The following PARL variants were observed in gnomAD, a reference collection of about 807,000 sequenced individuals.
PARL encodes presenilin-associated rhomboid-like protein, mitochondrial.
In PARL, 44 loss-of-function variants were observed where a neutral mutation model predicts 51.6. The observed-to-expected ratio is 0.85, with a 90% CI of 0.67 to 1.10. The LOEUF is 1.10. Among genes scored for constraint, PARL ranks in the 50% least tolerant of loss-of-function variants. The pLI, the probability that PARL is intolerant of heterozygous loss-of-function variation, is 0.00. For synonymous variants in PARL, 172 were observed against 164.0 expected (o/e 1.05, Z -0.37); for missense variants, 441 against 469.5 (o/e 0.94, Z 0.56).
At chr3:183,846,866 T>C (rs201073761) in intron 4 of PARL, among the ~76,000 whole-genome samples, 2 of 152,246 alleles carry the variant, frequency 1.3e-5, no homozygotes, top group Non-Finnish European at 2.9e-5. Flanking sequence ...AGGCCAGTTA[T>C]AGATGAGAAA....
rs1729461903 is a variant in PARL at position 183,842,617 on chromosome 3, GGC to G, written c.608-172_608-171del. Reference sequence around the variant, plus strand: ...TAAGTCAGGAGTTCAAGACCAGCCTGGCCAACATAGTCAAACCCCATCTCTAT... The same window carrying G: ...TAAGTCAGGAGTTCAAGACCAGCCTGCAACATAGTCAAACCCCATCTCTAT... On this transcript the variant is annotated intron_variant, in intron 5 of 9. Coordinates refer to ENST00000317096, the MANE Select transcript of PARL (RefSeq NM_018622.7). Among the ~76,000 whole-genome samples the G allele has an allele frequency of 2.0e-5, 3 of 151,732 alleles. No homozygotes were observed. In the South Asian group the frequency reaches 6.2e-4, roughly 32 times the overall value.
At chr3:183,849,509 G>A (rs1313559643) in intron 4 of PARL, among the ~76,000 whole-genome samples, 3 of 152,016 alleles carry the variant, frequency 2.0e-5, no homozygotes, top group Non-Finnish European at 2.9e-5. Context: ...AAAATTTATA[G>A]GAGGCAACAA....
chr3:183,877,796 A>C (rs1026503968), intron 1 of PARL, among the ~76,000 whole-genome samples: 7 of 135,244 alleles, frequency 5.2e-5, no homozygotes, highest in African/African-American at 2.0e-4. Context: ...TAAAACCATA[A>C]TTTATTACTT....
chr3:183,876,559 T>C (rs1158660945), intron 1 of PARL, among the ~76,000 whole-genome samples: 2 of 146,892 alleles, frequency 1.4e-5, no homozygotes, highest in Non-Finnish European at 3.0e-5. Context: ...TTAAGTCTTA[T>C]TATTTAAGAA....
intron 3 of PARL, among the ~76,000 whole-genome samples, chr3:183,866,155 G>A (rs1732449688): frequency 2.0e-5 from 3 of 152,282 alleles, no homozygotes; most frequent in South Asian, 2.1e-4. Context: ...TTGAGCCGCT[G>A]TGCCCGGCCA....
Position 183,842,464 on chromosome 3 carries a change from C to G in PARL, c.608-17G>C. On this transcript the variant is annotated splice_polypyrimidine_tract_variant and intron_variant, in intron 5 of 9. Transcript: ENST00000317096. ...AAAGGACCTCTACAAGAGAGAGAAACATAGTCTGGTAATCATGAAACACAC... is the reference window on the plus strand; with the variant it reads ...AAAGGACCTCTACAAGAGAGAGAAAGATAGTCTGGTAATCATGAAACACAC... 1 of 1,609,566 alleles carries G rather than the reference C, an allele frequency of 6.2e-7. No homozygotes were observed. The highest frequency in any genetic ancestry group is 8.5e-7 in the Non-Finnish European group (1 of 1,176,588).
chr3:183,845,453 C>T (rs768358296), intron 4 of PARL, among the ~76,000 whole-genome samples: 1 of 151,982 alleles, frequency 6.6e-6, no homozygotes, highest in Non-Finnish European at 1.5e-5. Flanking sequence ...TTTCTTTCTC[C>T]GTAGTACATT....
At chr3:183,834,384 T>C (rs554257778) in intron 7 of PARL, among the ~76,000 whole-genome samples, 2 of 152,220 alleles carry the variant, frequency 1.3e-5, no homozygotes, top group East Asian at 1.9e-4. Context: ...ACTGCACTCC[T>C]GCCTGGGCAA....
intron 4 of PARL, among the ~76,000 whole-genome samples, chr3:183,861,015 C>T (rs148174867): frequency 0.044 from 6,678 of 152,136 alleles, 484 homozygotes; most frequent in African/African-American, 0.15. Context: ...GGGGTTTCAC[C>T]GTGTTGGCCA....
At chr3:183,875,415 C>CAAAAAAAAA (rs61316689) in intron 1 of PARL, among the ~76,000 whole-genome samples, 1 of 60,152 alleles carries the variant, frequency 1.7e-5, no homozygotes, top group Non-Finnish European at 2.9e-5. Context: ...ACTCTGTCTC[C>CAAAAAAAAA]AAAAAAAAAA....
rs529156185 is a variant in PARL at position 183,853,589 on chromosome 3, A to G, written c.511+9164T>C. On this transcript the variant is annotated intron_variant, in intron 4 of 9. Transcript: ENST00000317096. ...GAAAAAGAATGCTTATAACTCAACA[A>G]CAAAAAAAAATCAAATAACTCGAGT... 6.6e-5 allele frequency among the ~76,000 whole-genome samples: 10 copies of G among 152,236 alleles called. No individual in the cohort carries two copies. The South Asian group carries it at 1.2e-3, about 19-fold the overall frequency.
intron 7 of PARL, 41 bp from the exon 8 acceptor site, chr3:183,833,866 G>A (rs1728246200): frequency 4.8e-6 from 6 of 1,242,612 alleles, no homozygotes; most frequent in Non-Finnish European, 5.9e-6. Flanking sequence ...AACTCAATAT[G>A]CAACTGCTTA....
chr3:183,882,220 A>ATATATATAT (rs1372994317), intron 1 of PARL, among the ~76,000 whole-genome samples: 1 of 60,878 alleles, frequency 1.6e-5, no homozygotes, highest in African/African-American at 9.8e-5. Flanking sequence ...AAAAAAAAAA[A>ATATATATAT]AAATATATAT....
intron 7 of PARL, among the ~76,000 whole-genome samples, chr3:183,839,554 G>C (rs924166481): frequency 1.3e-5 from 2 of 151,872 alleles, no homozygotes; most frequent in South Asian, 4.1e-4. Context: ...GAGTAGCTGG[G>C]ATTACAAGCA....
At position 183,854,106 on chromosome 3, in the gene PARL, A is replaced by G. The variant is rs563563861; in HGVS notation, c.511+8647T>C. On this transcript the variant is annotated intron_variant, in intron 4 of 9. Coordinates refer to ENST00000317096, the MANE Select transcript of PARL (RefSeq NM_018622.7). ...AAAAAAATACAAAAATTAGCCGGGC[A>G]TGGTGGTGTACACCTGTAGTCCCAG... 2.7e-3 allele frequency among the ~76,000 whole-genome samples: 414 copies of G among 152,120 alleles called. 4 individuals are homozygous for G. Among genetic ancestry groups the G allele is most frequent in the South Asian group, 0.011 (54 of 4,822 alleles).
At chr3:183,837,655 C>T (rs77720224) in intron 7 of PARL, among the ~76,000 whole-genome samples, 6,867 of 152,220 alleles carry the variant, frequency 0.045, 171 homozygotes, top group African/African-American at 0.073. Context: ...CCAGCAGTAA[C>T]GAGTCACGGC....
At chr3:183,836,585 T>C (rs1184691000) in intron 7 of PARL, among the ~76,000 whole-genome samples, 6 of 152,196 alleles carry the variant, frequency 3.9e-5, no homozygotes, top group African/African-American at 1.4e-4. Flanking sequence ...CTCACATTCA[T>C]ACACAGTTTA....
chr3:183,874,072 T>G (rs1012326382), intron 1 of PARL, among the ~76,000 whole-genome samples: 6 of 152,234 alleles, frequency 3.9e-5, no homozygotes, highest in African/African-American at 1.4e-4. Flanking sequence ...TCCAACAGCA[T>G]GCGCTCACTT....
At chr3:183,838,584 T>C (rs981174688) in intron 7 of PARL, among the ~76,000 whole-genome samples, 3 of 152,216 alleles carry the variant, frequency 2.0e-5, no homozygotes, top group Non-Finnish European at 2.9e-5. Flanking sequence ...ATGTGCTTCT[T>C]ATTGTGCTAA....
Sources: allele counts gnomAD v4.1 joint callset (sites outside exome capture counted in the v4.1 genomes callset), GRCh38; gene constraint gnomAD v4.1.1; transcripts MANE v1.5; gene names NCBI Gene and HGNC (gene_info 2026-07-23, HGNC 2026-07-21).